PGBD5: variants seen among roughly 807,000 people sequenced by gnomAD.
PGBD5 encodes the protein piggyBac transposable element-derived protein 5.
PGBD5 carries 14 observed loss-of-function variants against 47.9 expected under a neutral mutation model. The observed-to-expected ratio is 0.29, with a 90% CI of 0.19 to 0.46. The LOEUF is 0.46. Ranked by LOEUF, PGBD5 falls within the 20% of genes least tolerant of loss-of-function variation. PGBD5 has a pLI of 1.00. For missense variants in PGBD5, 635 were observed against 716.0 expected (o/e 0.89, Z 1.29); for synonymous variants, 316 against 306.3 (o/e 1.03, Z -0.33).
Position 230,356,966 on chromosome 1 carries a change from G to T in PGBD5, c.687C>A (p.Leu229=), listed in dbSNP as rs533232274. The stretch of plus-strand genomic sequence containing the variant: ...AGTCGAGGAAGGGCTGGACCTTGTA[G>T]AGCCCGTGCGTGGTCTGGCTGGAGC... ...AFRSSQTTHG[L]YKVQPFLDSL... is the part of the protein sequence containing the mutation. The change falls in exon 2 of 7, where the codon CTC becomes CTA. Residue 229 remains leucine, a synonymous_variant. Transcript: ENST00000391860. The T allele has an allele frequency of 6.2e-7, 1 of 1,614,210 alleles. No individual in the cohort carries two copies. Among genetic ancestry groups the T allele is most frequent in the Non-Finnish European group, 8.5e-7 (1 of 1,180,040 alleles).
At chr1:230,420,965 G>A (rs1657634288) in intron 1 of PGBD5, among the ~76,000 whole-genome samples, 1 of 152,034 alleles carries the variant, frequency 6.6e-6, no homozygotes, top group Non-Finnish European at 1.5e-5. Flanking sequence ...GGATCACTTG[G>A]GCCCAGGAGT....
At chr1:230,366,845 C>T (rs923302) in intron 1 of PGBD5, among the ~76,000 whole-genome samples, 36,819 of 152,110 alleles carry the variant, frequency 0.24, 5,471 homozygotes, top group Non-Finnish European at 0.32. Context: ...CGGGAGCCGA[C>T]GTACAGATGG....
chr1:230,315,560 C>T lies in PGBD5; in HGVS notation c.*7865G>A, dbSNP rs1666922042. 1.3e-5 allele frequency: 2 copies of T among 152,104 alleles called. No homozygotes were observed. The highest frequency in any genetic ancestry group is 1.3e-4 in the Admixed American group (2 of 15,266). 9.4% of individuals were successfully genotyped at this position (152,104 alleles called of 1,614,324 possible). A position where few individuals can be genotyped will look rare whatever the true frequency, so the allele number is the denominator to read the frequency against. On this transcript the variant is annotated 3_prime_UTR_variant, in exon 7 of 7. Coordinates refer to ENST00000391860, the MANE Select transcript of PGBD5 (RefSeq NM_001258311.2). ...CCACCATTCTTGCCCTCCTGGACCC[C>T]TAAACTGGCCCATGTGTTTAGTTGT...
Position 230,425,656 on chromosome 1 carries a change from G to A in PGBD5, c.273C>T (p.Gly91=). 5 of 1,219,888 alleles carry A rather than the reference G, an allele frequency of 4.1e-6. No individual in the cohort carries two copies. Among genetic ancestry groups the A allele is most frequent in the Non-Finnish European group, 5.1e-6 (5 of 980,316 alleles). 75.6% of individuals were successfully genotyped at this position (1,219,888 alleles called of 1,614,324 possible). The change falls in exon 1 of 7, where the codon GGC becomes GGT. Residue 91 remains glycine, a synonymous_variant. Coordinates refer to ENST00000391860, the MANE Select transcript of PGBD5 (RefSeq NM_001258311.2). This position sits in a 1 kb window ranked among gnomAD's most constrained non-coding sequence, Gnocchi z 4.7. The part of the protein sequence containing the change: ...DAQEPEEDEA[G]AGWSAALRDR... Reference sequence around the variant, plus strand: ...CCCGCAGCGCTGCGCTCCAGCCCGCGCCGGCCTCGTCCTCCTCCGGCTCCT... The same window carrying A: ...CCCGCAGCGCTGCGCTCCAGCCCGCACCGGCCTCGTCCTCCTCCGGCTCCT...
Position 230,426,005 on chromosome 1 carries a change from G to A in PGBD5, c.-77C>T. Reference sequence around the variant, plus strand: ...ACGCCGGGCCCTGGGCCCGCGCCGCGGCCCGCCGCCCCCCACCAGCGCAGC... The same window carrying A: ...ACGCCGGGCCCTGGGCCCGCGCCGCAGCCCGCCGCCCCCCACCAGCGCAGC... On this transcript the variant is annotated 5_prime_UTR_variant, in exon 1 of 7. Transcript: ENST00000391860. 1.4e-6 allele frequency: 1 copy of A among 713,822 alleles called. No individual in the cohort carries two copies. Among genetic ancestry groups the A allele is most frequent in the Non-Finnish European group, 1.7e-6 (1 of 587,178 alleles). 44.2% of individuals were successfully genotyped at this position (713,822 alleles called of 1,614,324 possible). A position where few individuals can be genotyped will look rare whatever the true frequency, so the allele number is the denominator to read the frequency against.
intron 1 of PGBD5, among the ~76,000 whole-genome samples, chr1:230,416,801 T>G (rs987107438): frequency 1.3e-5 from 2 of 152,208 alleles, no homozygotes; most frequent in African/African-American, 4.8e-5. Flanking sequence ...TGGAGGAGTT[T>G]AAGCAGAGAA....
At chr1:230,326,765 A>G (rs1390409308) in intron 5 of PGBD5, among the ~76,000 whole-genome samples, 2 of 152,168 alleles carry the variant, frequency 1.3e-5, no homozygotes, top group African/African-American at 4.8e-5. Context: ...GCGAGCCTCC[A>G]CGCGCAGCCA....
chr1:230,333,965 C>A (rs1226169321), intron 4 of PGBD5, among the ~76,000 whole-genome samples: 5 of 152,260 alleles, frequency 3.3e-5, no homozygotes, highest in African/African-American at 1.2e-4. Flanking sequence ...TGCTCCCCAG[C>A]AGCCTGGAGG....
chr1:230,393,563 C>A (rs990999978), intron 1 of PGBD5, among the ~76,000 whole-genome samples: 4 of 152,072 alleles, frequency 2.6e-5, no homozygotes, highest in Non-Finnish European at 5.9e-5. Flanking sequence ...ATAGGCCGGG[C>A]GCGGTGGCTC....
intron 1 of PGBD5, among the ~76,000 whole-genome samples, chr1:230,396,565 C>T: frequency 7.2e-6 from 1 of 139,690 alleles, no homozygotes; most frequent in African/African-American, 2.8e-5. Flanking sequence ...TGTTGCCCCC[C>T]CTCCCCCTGC....
chr1:230,415,180 T>A (rs961667714), intron 1 of PGBD5, among the ~76,000 whole-genome samples: 2 of 151,558 alleles, frequency 1.3e-5, no homozygotes, highest in Non-Finnish European at 2.9e-5. Context: ...TAGACTGAGG[T>A]GGGAGGACTG....
chr1:230,359,407 T>C (rs1407515259), intron 1 of PGBD5, among the ~76,000 whole-genome samples: 1 of 152,200 alleles, frequency 6.6e-6, no homozygotes, highest in Non-Finnish European at 1.5e-5. Context: ...TCTTCAGATT[T>C]TAATCATCAC....
chr1:230,327,586 C>T (rs1667141219), intron 5 of PGBD5, among the ~76,000 whole-genome samples: 1 of 152,208 alleles, frequency 6.6e-6, no homozygotes, highest in Non-Finnish European at 1.5e-5. Context: ...AAAACCATGG[C>T]GGCCCCCACA....
At chr1:230,355,900 T>C (rs1007253969) in intron 2 of PGBD5, among the ~76,000 whole-genome samples, 3 of 151,762 alleles carry the variant, frequency 2.0e-5, no homozygotes, top group African/African-American at 4.8e-5. Flanking sequence ...AGACACGAAA[T>C]AGGGCACTGC....
intron 1 of PGBD5, among the ~76,000 whole-genome samples, chr1:230,415,875 C>T (rs957612158): frequency 3.3e-5 from 5 of 152,206 alleles, no homozygotes; most frequent in Non-Finnish European, 7.3e-5. Flanking sequence ...TAATATGATT[C>T]TTCCTAGTCC....
intron 1 of PGBD5, chr1:230,377,368 G>T: frequency 9.7e-7 from 1 of 1,032,008 alleles, no homozygotes; most frequent in Non-Finnish European, 1.4e-6. Context: ...CAGGTGAAAT[G>T]CTGACATCAA....
chr1:230,349,624 T>G (rs1667530552), intron 3 of PGBD5, among the ~76,000 whole-genome samples: 1 of 151,072 alleles, frequency 6.6e-6, no homozygotes, highest in African/African-American at 2.4e-5. Context: ...CACAATTGTG[T>G]GCAGGTAGCA....
At position 230,405,478 on chromosome 1, in the gene PGBD5, T is replaced by C. The variant is rs527732306; in HGVS notation, c.331+20120A>G. ...TCTCTAGCTTATTTTAAGAATACAG[T>C]ATATAATACACATAACATACAAAAT... On this transcript the variant is annotated intron_variant, in intron 1 of 6. Coordinates refer to ENST00000391860, the MANE Select transcript of PGBD5 (RefSeq NM_001258311.2). 7.9e-5 allele frequency among the ~76,000 whole-genome samples: 12 copies of C among 152,372 alleles called. No homozygotes were observed. The South Asian group carries it at 2.5e-3, about 32-fold the overall frequency.
At chr1:230,326,939 G>A (rs377749763) in intron 5 of PGBD5, among the ~76,000 whole-genome samples, 20 of 152,266 alleles carry the variant, frequency 1.3e-4, no homozygotes, top group East Asian at 5.8e-4. Flanking sequence ...GCACCGCAAA[G>A]GTCATGGCAA....
Sources: gnomAD v4.1 joint callset for allele counts (sites outside exome capture counted in the v4.1 genomes callset) on GRCh38, gnomAD v4.1.1 for gene constraint, Gnocchi (gnomAD v3.1) non-coding constraint, MANE v1.5 for transcripts, NCBI Gene and HGNC (gene_info 2026-07-23, HGNC 2026-07-21) for gene names.